Variants in PDZD2 observed in about 807,000 individuals in gnomAD.
The protein encoded by PDZD2 is PDZ domain containing 2, also known as PDZ domain-containing protein 2.
A neutral mutation model predicts 220.7 loss-of-function variants in PDZD2; 90 were observed. The ratio of observed to expected loss-of-function variants is 0.41; its 90% CI spans 0.34 to 0.49. The LOEUF (loss-of-function observed/expected upper bound fraction) is 0.49, where lower values mean the gene tolerates loss of function less well. PDZD2 is among the 20% of genes least tolerant of loss of function. The pLI, the probability that PDZD2 is intolerant of heterozygous loss-of-function variation, is 0.28. For synonymous variants in PDZD2, 1,375 were observed against 1,450.5 expected, an observed-to-expected ratio of 0.95 and a Z score of 1.18; for missense variants, 3,174 against 3,608.5, an observed-to-expected ratio of 0.88 and a Z score of 3.08.
chr5:31,965,347 T>G (rs1374822244), intron 2 of PDZD2, among the ~76,000 whole-genome samples: 2 of 152,168 alleles, frequency 1.3e-5, no homozygotes, highest in Non-Finnish European at 2.9e-5. Flanking sequence ...TGACCAGACA[T>G]GTCATTCATG....
chr5:31,965,069 C>T (rs1277290209), intron 2 of PDZD2, among the ~76,000 whole-genome samples: 1 of 152,060 alleles, frequency 6.6e-6, no homozygotes, highest in Non-Finnish European at 1.5e-5. Flanking sequence ...GATAGGGCTC[C>T]GATGAGTGGA....
At chr5:31,783,071 C>T (rs1283860926) in intron 1 of PDZD2, among the ~76,000 whole-genome samples, 1 of 151,994 alleles carries the variant, frequency 6.6e-6, no homozygotes, top group East Asian at 1.9e-4. Context: ...TTGGTTTAAA[C>T]TTTATTTTAG....
chr5:31,923,476 A>G (rs1469747190), intron 2 of PDZD2: 1 of 976,922 alleles, frequency 1.0e-6, no homozygotes, highest in Non-Finnish European at 1.7e-6. Flanking sequence ...CTGGGATTTA[A>G]GAGGGGTGCA....
chr5:31,969,691 G>A lies in PDZD2; in HGVS notation c.477-13464G>A, dbSNP rs917769498. 8.6e-5 allele frequency among the ~76,000 whole-genome samples: 13 copies of A among 151,874 alleles called. 1 individual carries two copies. The South Asian group carries it at 2.3e-3, about 27-fold the overall frequency. The stretch of plus-strand genomic sequence containing the variant: ...ATGTCCTAAACTGATTTATGGTGAT[G>A]GTCACACAACTTGGTAAATTTCCTA... On this transcript the variant is annotated intron_variant, in intron 2 of 24. Transcript: ENST00000438447.
chr5:32,071,582 A>C (rs1740748923), intron 16 of PDZD2, among the ~76,000 whole-genome samples, 164 bp downstream of exon 16: 1 of 152,260 alleles, frequency 6.6e-6, no homozygotes, highest in South Asian at 2.1e-4. Context: ...AATAGATGCA[A>C]AAATGTGTGT....
intron 1 of PDZD2, among the ~76,000 whole-genome samples, chr5:31,785,123 C>T (rs16901560): frequency 0.019 from 2,946 of 152,162 alleles, 84 homozygotes; most frequent in African/African-American, 0.064. Flanking sequence ...GCATTGATTA[C>T]GTGGATGCAA....
intron 1 of PDZD2, among the ~76,000 whole-genome samples, chr5:31,665,550 T>G (rs1305505771): frequency 2.0e-5 from 3 of 152,026 alleles, no homozygotes; most frequent in African/African-American, 7.2e-5. Flanking sequence ...GGCAGGTGAT[T>G]GGATCATGGG....
At chr5:31,831,680 G>T (rs995989311) in intron 2 of PDZD2, among the ~76,000 whole-genome samples, 21 of 151,730 alleles carry the variant, frequency 1.4e-4, no homozygotes, top group Non-Finnish European at 2.1e-4. Flanking sequence ...CCTGGGAGGC[G>T]GAGGTTGCAG....
At chr5:31,969,461 A>G (rs1010688439) in intron 2 of PDZD2, among the ~76,000 whole-genome samples, 9 of 139,068 alleles carry the variant, frequency 6.5e-5, no homozygotes, top group Non-Finnish European at 1.4e-4. Flanking sequence ...GTGAGCTGAG[A>G]TTACACGACT....
At chr5:31,942,558 C>G (rs1378729199) in intron 2 of PDZD2, among the ~76,000 whole-genome samples, 1 of 152,200 alleles carries the variant, frequency 6.6e-6, no homozygotes, top group Non-Finnish European at 1.5e-5. Flanking sequence ...TAACCTTGAA[C>G]ACCTGGGCTC....
Position 31,821,597 on chromosome 5 carries a change from T to A in PDZD2, c.476+21873T>A, listed in dbSNP as rs1428486360. ...GGTTTCACCATGTTGGCCAGGATGGTCTCGATCTTTTGACCTCGTGATCTA... is the reference window on the plus strand; with the variant it reads ...GGTTTCACCATGTTGGCCAGGATGGACTCGATCTTTTGACCTCGTGATCTA... On this transcript the variant is annotated intron_variant, in intron 2 of 24. Coordinates refer to ENST00000438447, the MANE Select transcript of PDZD2 (RefSeq NM_178140.4). Among the ~76,000 whole-genome samples, 3 of 152,058 alleles carry A rather than the reference T, an allele frequency of 2.0e-5. No homozygotes were observed. The East Asian group carries it at 5.8e-4, about 29-fold the overall frequency.
At chr5:31,679,551 A>G (rs190387427) in intron 1 of PDZD2, among the ~76,000 whole-genome samples, 4 of 152,314 alleles carry the variant, frequency 2.6e-5, no homozygotes, top group African/African-American at 9.6e-5. Context: ...GCTGTTGCCC[A>G]GGCTGGAGTG....
At chr5:31,797,751 T>C (rs182513562) in intron 1 of PDZD2, among the ~76,000 whole-genome samples, 2 of 152,348 alleles carry the variant, frequency 1.3e-5, no homozygotes, top group Admixed American at 1.3e-4. Context: ...GCACGCTATA[T>C]TGGAAATTTC....
chr5:32,068,535 C>T (rs1740428097), intron 14 of PDZD2, among the ~76,000 whole-genome samples: 1 of 152,038 alleles, frequency 6.6e-6, no homozygotes, highest in South Asian at 2.1e-4. Flanking sequence ...GTTCTTATCT[C>T]ATCACAGGCT....
At position 32,025,591 on chromosome 5, in the gene PDZD2, C is replaced by CTTTTT. The variant is rs70957998; in HGVS notation, c.1408-11616_1408-11612dup. On this transcript the variant is annotated intron_variant, in intron 6 of 24. Transcript: ENST00000438447. ...AGTGAGCCCAAATGTAACCATGATG[C>CTTTTT]TTTTTTTTTTTTTTTTTTTTTTTTT... Among the ~76,000 whole-genome samples, 477 of 67,508 alleles carry CTTTTT rather than the reference C, an allele frequency of 7.1e-3. 38 individuals are homozygous for CTTTTT. The highest frequency in any genetic ancestry group is 0.01 in the Non-Finnish European group (399 of 39,094). The allele number at this position is 67,508 out of a possible 152,430, so 44.3% of individuals were successfully genotyped here.
chr5:31,942,938 C>T (rs1264405847), intron 2 of PDZD2, among the ~76,000 whole-genome samples: 1 of 152,214 alleles, frequency 6.6e-6, no homozygotes, highest in Non-Finnish European at 1.5e-5. Context: ...CACGGTGACT[C>T]ACGCCTGTAA....
At chr5:31,849,942 A>G (rs1447965461) in intron 2 of PDZD2, among the ~76,000 whole-genome samples, 444 of 35,752 alleles carry the variant, frequency 0.012, 164 homozygotes, top group African/African-American at 0.076. Context: ...ACACATATAT[A>G]TATATACATA....
At chr5:31,892,581 G>T (rs1561547203) in intron 2 of PDZD2, among the ~76,000 whole-genome samples, 2 of 152,146 alleles carry the variant, frequency 1.3e-5, no homozygotes, top group Middle Eastern at 6.8e-3. Context: ...TGTGGCGGGG[G>T]TGGTGTAGGG....
At chr5:31,833,063 G>A (rs1282689677) in intron 2 of PDZD2, among the ~76,000 whole-genome samples, 1 of 152,096 alleles carries the variant, frequency 6.6e-6, no homozygotes, top group Non-Finnish European at 1.5e-5. Flanking sequence ...GTCTGTGCCT[G>A]GTTGATTAAT....
Sources: gnomAD v4.1 joint callset for allele counts (sites outside exome capture counted in the v4.1 genomes callset) on GRCh38, gnomAD v4.1.1 for gene constraint, MANE v1.5 for transcripts, NCBI Gene and HGNC (gene_info 2026-07-23, HGNC 2026-07-21) for gene names.